The following NUDT6 variants were observed in gnomAD, a reference collection of about 807,000 sequenced individuals.
NUDT6 encodes nudix hydrolase 6.
NUDT6 carries 24 observed loss-of-function variants against 36.8 expected under a neutral mutation model. The observed-to-expected ratio is 0.65, with a 90% confidence interval of 0.47 to 0.92. The LOEUF is 0.92. NUDT6 is among the 40% of genes least tolerant of loss of function. NUDT6 has a pLI of 0.00. For synonymous variants in NUDT6, 163 were observed against 157.0 expected, an observed-to-expected ratio of 1.04 and a Z score of -0.29; for missense variants, 388 against 392.8, an observed-to-expected ratio of 0.99 and a Z score of 0.10.
chr4:122,922,164 CA>C, intron 1 of NUDT6, 170 bp downstream of exon 1: 1 of 488,894 alleles, frequency 2.0e-6, no homozygotes, highest in East Asian at 3.5e-5. Flanking sequence ...GACCTCCCAG[CA>C]AAAGGTCTAA....
chr4:122,902,268 G>A (rs150772620), intron 3 of NUDT6, among the ~76,000 whole-genome samples: 259 of 145,292 alleles, frequency 1.8e-3, no homozygotes, highest in African/African-American at 6.0e-3. Flanking sequence ...ATGTATATTG[G>A]GCATACCGAA....
At chr4:122,904,980 C>T (rs1478018621) in intron 3 of NUDT6, among the ~76,000 whole-genome samples, 2 of 152,114 alleles carry the variant, frequency 1.3e-5, no homozygotes, top group African/African-American at 4.8e-5. Context: ...ACCCAAAGAG[C>T]GAGCAGCAGC....
At chr4:122,917,462 T>C in intron 2 of NUDT6, 39 bp downstream of exon 2, 1 of 1,568,842 alleles carries the variant, frequency 6.4e-7, no homozygotes, top group East Asian at 2.2e-5. Context: ...GGTGAACGTC[T>C]AAAAAGTTAA....
intron 1 of NUDT6, chr4:122,922,034 G>T: frequency 2.8e-6 from 1 of 354,640 alleles, no homozygotes; most frequent in Non-Finnish European, 5.1e-6. Context: ...CGGGGTCTGT[G>T]GAAGAGGAAA....
intron 1 of NUDT6, chr4:122,921,604 A>C (rs890418583): frequency 2.0e-4 from 25 of 124,274 alleles, no homozygotes; most frequent in Non-Finnish European, 3.8e-4. Flanking sequence ...TCAAAAAAAA[A>C]AAAAAAAAAA....
chr4:122,917,839 G>A (rs1727877774), intron 1 of NUDT6, 135 bp from the exon 2 acceptor site: 2 of 684,280 alleles, frequency 2.9e-6, no homozygotes, highest in South Asian at 3.8e-5. Context: ...TGTTCACATC[G>A]CTGGCACTGG....
intron 2 of NUDT6, among the ~76,000 whole-genome samples, chr4:122,914,373 C>T (rs1727789892): frequency 6.6e-6 from 1 of 152,054 alleles, no homozygotes; most frequent in African/African-American, 2.4e-5. Context: ...CAAAGAAATG[C>T]CAAGGAAACT....
intron 2 of NUDT6, among the ~76,000 whole-genome samples, chr4:122,916,778 G>C (rs1309464316): frequency 1.3e-5 from 2 of 152,104 alleles, no homozygotes; most frequent in Non-Finnish European, 2.9e-5. Flanking sequence ...GTTATACAAG[G>C]TCAACCATAG....
intron 2 of NUDT6, among the ~76,000 whole-genome samples, chr4:122,913,918 A>G (rs1021344538): frequency 6.6e-6 from 1 of 152,320 alleles, no homozygotes; most frequent in African/African-American, 2.4e-5. Context: ...TTTAAAAGAT[A>G]CTTTCTACAT....
At chr4:122,922,198 G>C in intron 1 of NUDT6, 137 bp downstream of exon 1, 1 of 671,492 alleles carries the variant, frequency 1.5e-6, no homozygotes. Context: ...CAGAAAACAG[G>C]TCCAGGTCAC....
intron 2 of NUDT6, among the ~76,000 whole-genome samples, chr4:122,915,911 C>A (rs565867714): frequency 6.6e-6 from 1 of 152,266 alleles, no homozygotes; most frequent in South Asian, 2.1e-4. Flanking sequence ...ATTAGGCATT[C>A]TTGAACAACT....
intron 3 of NUDT6, among the ~76,000 whole-genome samples, chr4:122,903,616 T>C: frequency 6.6e-6 from 1 of 152,190 alleles, no homozygotes; most frequent in Non-Finnish European, 1.5e-5. Flanking sequence ...ATGCTGGAGC[T>C]GGGATTCTGC....
rs138769135 is a variant in NUDT6 at position 122,906,843 on chromosome 4, G to A, written c.498+5725C>T. 3.0e-3 allele frequency among the ~76,000 whole-genome samples: 463 copies of A among 152,262 alleles called. 7 individuals carry two copies. In the South Asian group the frequency reaches 0.031, roughly 10 times the overall value. ...CACCAAAACCAAGATGGGGATGAAAGTGACCTCTGGTCATCCTTACTGCTC... is the reference window on the plus strand; with the variant it reads ...CACCAAAACCAAGATGGGGATGAAAATGACCTCTGGTCATCCTTACTGCTC... On this transcript the variant is annotated intron_variant, in intron 3 of 4. Transcript: ENST00000304430.
intron 4 of NUDT6, 62 bp downstream of exon 4, chr4:122,897,562 A>G: frequency 8.4e-7 from 1 of 1,186,026 alleles, no homozygotes; most frequent in Non-Finnish European, 1.3e-6. Flanking sequence ...ATAAAGCAAG[A>G]AAGTAAACAC....
chr4:122,911,728 A>G (rs1300451473), intron 3 of NUDT6, among the ~76,000 whole-genome samples: 1 of 152,214 alleles, frequency 6.6e-6, no homozygotes, highest in Non-Finnish European at 1.5e-5. Context: ...CTGAAGTCTC[A>G]GAAAGTATCA....
intron 3 of NUDT6, among the ~76,000 whole-genome samples, chr4:122,907,973 A>C (rs1191670726): frequency 6.6e-6 from 1 of 152,158 alleles, no homozygotes; most frequent in Non-Finnish European, 1.5e-5. Context: ...CATATATCAT[A>C]TTTGGGAATA....
rs1462015966 is a variant in NUDT6 at position 122,896,158 on chromosome 4, AGTT to A, written c.553+1463_553+1465del. 7 of 151,754 alleles carry A rather than the reference AGTT, an allele frequency of 4.6e-5. No individual in the cohort carries two copies. In the South Asian group the frequency reaches 1.0e-3, roughly 23 times the overall value. The allele number at this position is 151,754 out of a possible 1,614,324, so 9.4% of individuals were successfully genotyped here. On this transcript the variant is annotated intron_variant, in intron 4 of 4. Coordinates refer to ENST00000304430, the MANE Select transcript of NUDT6 (RefSeq NM_007083.5). ...GGCATATATGATCTCTGGGTAGGTGAGTTGTTGTGACAACCACAAGCACTTTTT... is the reference window on the plus strand; with the variant it reads ...GGCATATATGATCTCTGGGTAGGTGAGTTGTGACAACCACAAGCACTTTTT...
Position 122,893,124 on chromosome 4 carries a change from C to G in NUDT6, c.655G>C (p.Gly219Arg). ...CAGATGATATACATATCTGACTTCCCAAAAGCTCCAGGATTTGTGTGCTGT... is the reference window on the plus strand; with the variant it reads ...CAGATGATATACATATCTGACTTCCGAAAAGCTCCAGGATTTGTGTGCTGT... The part of the protein sequence containing the change: ...RQQHTNPGAF[G>R]KSDMYIICRL... Residue 219 changes from glycine (G) to arginine (R), a missense_variant, in exon 5 of 5, where the codon GGG becomes CGG. Physicochemically the swap from Gly to Arg is moderately radical, Grantham distance 125. Transcript: ENST00000304430. 6.2e-7 allele frequency: 1 copy of G among 1,614,148 alleles called. No individual in the cohort carries two copies. The highest frequency in any genetic ancestry group is 8.5e-7 in the Non-Finnish European group (1 of 1,180,024).
intron 3 of NUDT6, among the ~76,000 whole-genome samples, chr4:122,907,500 G>A (rs964353948): frequency 6.7e-6 from 1 of 149,056 alleles, no homozygotes; most frequent in Non-Finnish European, 1.5e-5. Context: ...ACCCAGGCTG[G>A]AGTGCAGTGG....
Sources: allele counts gnomAD v4.1 joint callset (sites outside exome capture counted in the v4.1 genomes callset), GRCh38; gene constraint gnomAD v4.1.1; transcripts MANE v1.5; gene names NCBI Gene and HGNC (gene_info 2026-07-23, HGNC 2026-07-21).